FCGR2B: variants seen among roughly 807,000 people sequenced by gnomAD.
The protein encoded by FCGR2B is Fc gamma receptor IIb.
A neutral mutation model predicts 24.8 loss-of-function variants in FCGR2B; 18 were observed. The observed-to-expected ratio is 0.73, with a 90% CI of 0.50 to 1.08. The LOEUF (loss-of-function observed/expected upper bound fraction) is 1.08, where lower values mean the gene tolerates loss of function less well. Ranked by LOEUF, FCGR2B falls within the 50% of genes least tolerant of loss-of-function variation. The pLI, the probability that FCGR2B is intolerant of heterozygous loss-of-function variation, is 0.00. For synonymous variants in FCGR2B, 79 were observed against 109.8 expected (o/e 0.72, Z 1.75); for missense variants, 215 against 297.6 (o/e 0.72, Z 2.04).
At chr1:161,673,266 G>T (rs1446839815) in intron 4 of FCGR2B, 37 bp downstream of exon 4, 1 of 1,582,430 alleles carries the variant, frequency 6.3e-7, no homozygotes. Context: ...GAGGGGAGAA[G>T]AGGGGATGGA....
At position 161,677,999 on chromosome 1, in the gene FCGR2B, C is replaced by T. The variant is rs1039567642; in HGVS notation, c.*446C>T. On this transcript the variant is annotated 3_prime_UTR_variant, in exon 8 of 8. Transcript: ENST00000358671. Reference sequence around the variant, plus strand: ...TAAAATTATTGATGATTTTTATTTTCTTTATTTTTCTATAAAGATCATATA... The same window carrying T: ...TAAAATTATTGATGATTTTTATTTTTTTTATTTTTCTATAAAGATCATATA... 1 of 220,364 alleles carries T rather than the reference C, an allele frequency of 4.5e-6. No individual in the cohort carries two copies. The highest frequency in any genetic ancestry group is 9.1e-6 in the Non-Finnish European group (1 of 110,072). The allele number at this position is 220,364 out of a possible 1,614,324, so 13.7% of individuals were successfully genotyped here.
chr1:161,654,585 A>G, the FCGR2B span, among the ~76,000 whole-genome samples: 1 of 133,356 alleles, frequency 7.5e-6, no homozygotes, highest in Non-Finnish European at 1.8e-5. Context: ...GTGGAGGCCC[A>G]TGAAGATGCT....
chr1:161,671,081 A>G (rs1681603363), intron 2 of FCGR2B, among the ~76,000 whole-genome samples: 1 of 151,938 alleles, frequency 6.6e-6, no homozygotes, highest in Non-Finnish European at 1.5e-5. Flanking sequence ...GCTGGTGGGG[A>G]GAGGTTGGTG....
Position 161,671,621 on chromosome 1 carries a change from C to T in FCGR2B, c.363C>T (p.Ser121=), listed in dbSNP as rs1488362136. 1.1e-5 allele frequency: 17 copies of T among 1,613,742 alleles called. No individual in the cohort carries two copies. Among genetic ancestry groups the T allele is most frequent in the South Asian group, 3.3e-5 (3 of 91,072 alleles). The change falls in exon 3 of 8, where the codon AGC becomes AGT. Residue 121 remains serine (S), a synonymous_variant. Coordinates refer to ENST00000358671, the MANE Select transcript of FCGR2B (RefSeq NM_001394477.1). ...YTCQTGQTSL[S]DPVHLTVLSE... ...GCCAGACTGGCCAGACCAGCCTCAGCGACCCTGTGCATCTGACTGTGCTTT... is the reference window on the plus strand; with the variant it reads ...GCCAGACTGGCCAGACCAGCCTCAGTGACCCTGTGCATCTGACTGTGCTTT...
At chr1:161,661,628 G>C (rs2333842), upstream of FCGR2B, among the ~76,000 whole-genome samples, 10,767 of 56,974 alleles carry the variant, frequency 0.19, 513 homozygotes, top group Non-Finnish European at 0.21. Context: ...TTTACAGTAA[G>C]AATTCACATG....
chr1:161,647,551 C>T, the FCGR2B span, among the ~76,000 whole-genome samples: 51,694 of 149,406 alleles, frequency 0.35, 9,322 homozygotes, highest in East Asian at 0.64. Flanking sequence ...TTCCCCCCAC[C>T]GCCTCGGCCT....
Position 161,671,973 on chromosome 1 carries a change from A to G in FCGR2B, c.391+324A>G, listed in dbSNP as rs538454102. 2.8e-5 allele frequency: 12 copies of G among 431,930 alleles called. No homozygotes were observed. In the East Asian group the frequency reaches 5.4e-4, roughly 20 times the overall value. 26.8% of individuals were successfully genotyped at this position (431,930 alleles called of 1,614,324 possible). A position where few individuals can be genotyped will look rare whatever the true frequency, so the allele number is the denominator to read the frequency against. On this transcript the variant is annotated intron_variant, in intron 3 of 7. Coordinates refer to ENST00000358671, the MANE Select transcript of FCGR2B (RefSeq NM_001394477.1). Reference sequence around the variant, plus strand: ...TGGAAATGACTCACTATACAACATGATGAATTCATTTAACCCTTGAGTTTC... The same window carrying G: ...TGGAAATGACTCACTATACAACATGGTGAATTCATTTAACCCTTGAGTTTC...
chr1:161,671,003 C>T (rs943590770), intron 2 of FCGR2B, among the ~76,000 whole-genome samples: 25 of 151,974 alleles, frequency 1.6e-4, no homozygotes, highest in African/African-American at 5.8e-4. Context: ...TGTCTAAATG[C>T]CTTTGTTTAT....
Position 161,677,697 on chromosome 1 carries a change from C to A in FCGR2B, c.*144C>A. On this transcript the variant is annotated 3_prime_UTR_variant, in exon 8 of 8. Transcript: ENST00000358671. ...TTCTTCCAGAGTCATCTACCTGAGTCCTGAAGCTCCCTGTCCTGAAAGCCA... is the reference window on the plus strand; with the variant it reads ...TTCTTCCAGAGTCATCTACCTGAGTACTGAAGCTCCCTGTCCTGAAAGCCA... 1.6e-6 allele frequency: 1 copy of A among 641,358 alleles called. No individual in the cohort carries two copies. The highest frequency in any genetic ancestry group is 2.7e-5 in the East Asian group (1 of 36,754). The allele number at this position is 641,358 out of a possible 1,614,324, so 39.7% of individuals were successfully genotyped here. A position where few individuals can be genotyped will look rare whatever the true frequency, so the allele number is the denominator to read the frequency against.
chr1:161,663,301 GT>G lies in FCGR2B; in HGVS notation c.61del (p.Ser21ProfsTer32). 5.2e-6 allele frequency: 1 copy of G among 192,146 alleles called. No individual in the cohort carries two copies. Among genetic ancestry groups the G allele is most frequent in the Non-Finnish European group, 9.4e-6 (1 of 106,708 alleles). 11.9% of individuals were successfully genotyped at this position (192,146 alleles called of 1,614,324 possible). A position where few individuals can be genotyped will look rare whatever the true frequency, so the allele number is the denominator to read the frequency against. ...ATESDWADCKSPQPWGHMLLW... is the reference protein window; with the variant it reads ...ATESDWADCKXPQPWGHMLLW... ...CTGAGAGTGACTGGGCTGACTGCAA[GT>G]CCCCCCAGCCTTGGGGTCATATGCT... On this transcript the variant is annotated frameshift_variant, in exon 1 of 8. Coordinates refer to ENST00000358671, the MANE Select transcript of FCGR2B (RefSeq NM_001394477.1). LOFTEE classifies it high-confidence loss of function.
chr1:161,648,205 G>A, the FCGR2B span, among the ~76,000 whole-genome samples: 1 of 148,396 alleles, frequency 6.7e-6, no homozygotes. Context: ...TGGGGCAGCT[G>A]TGATATTACA....
the FCGR2B span, among the ~76,000 whole-genome samples, chr1:161,654,960 T>G: frequency 0.11 from 11,835 of 109,632 alleles, 1,076 homozygotes; most frequent in Middle Eastern, 0.25. Context: ...CACAGCTGTT[T>G]TTATACCACA....
In FCGR2B at chr1:161,673,028, G is replaced by T. The variant is rs764919412; in HGVS notation, c.445G>T (p.Val149Leu). 6.2e-7 allele frequency: 1 copy of T among 1,612,448 alleles called. No individual in the cohort carries two copies. The highest frequency in any genetic ancestry group is 8.5e-7 in the Non-Finnish European group (1 of 1,179,308). Residue 149 changes from valine (V) to leucine (L), a missense_variant, in exon 4 of 8, where the codon GTG (valine) becomes TTG (leucine). Val to Leu is a conservative substitution (Grantham distance 32, BLOSUM62 1). Transcript: ENST00000358671. ...GGAGTTCCAGGAGGGAGAAACCATC[G>T]TGCTGAGGTGCCACAGCTGGAAGGA... ...HLEFQEGETI[V>L]LRCHSWKDKP...
rs755070493 is a variant in FCGR2B at position 161,673,230 on chromosome 1, G to A, written c.646+1G>A. The A allele has an allele frequency of 1.3e-6, 2 of 1,594,572 alleles. No homozygotes were observed. Among genetic ancestry groups the A allele is most frequent in the Non-Finnish European group, 1.7e-6 (2 of 1,169,996 alleles). Reference sequence around the variant, plus strand: ...AAGCCTGTGACCATCACTGTCCAAGGTATGCGGAGTCTGCCAAGATGTAAG... The same window carrying A: ...AAGCCTGTGACCATCACTGTCCAAGATATGCGGAGTCTGCCAAGATGTAAG... On this transcript the variant is annotated splice_donor_variant, in intron 4 of 7. Coordinates refer to ENST00000358671, the MANE Select transcript of FCGR2B (RefSeq NM_001394477.1). LOFTEE classifies it high-confidence loss of function.
Position 161,675,289 on chromosome 1 carries a change from G to T in FCGR2B, c.793G>T (p.Gly265Ter), listed in dbSNP as rs1682022593. The change falls in exon 6 of 8, where the codon GGA becomes TGA. Residue 265 changes from glycine to a stop codon, truncating the protein, a stop_gained. Transcript: ENST00000358671. LOFTEE classifies it high-confidence loss of function. ...LPGYPECREMGETLPEKPANP... is the reference protein window; with the variant it reads ...LPGYPECREM ...AGGATACCCTGAGTGCAGGGAAATG[G>T]GAGAGACCCTCCCTGAGAAACCAGG... 10 of 1,605,912 alleles carry T rather than the reference G, an allele frequency of 6.2e-6. No homozygotes were observed. The highest frequency in any genetic ancestry group is 8.5e-6 in the Non-Finnish European group (10 of 1,176,632).
the FCGR2B span, among the ~76,000 whole-genome samples, chr1:161,655,278 T>C: frequency 1.3e-5 from 2 of 149,764 alleles, no homozygotes; most frequent in Admixed American, 6.8e-5. Flanking sequence ...ATACTGGCTT[T>C]TGTTTCCCTT....
chr1:161,671,749 T>C, intron 3 of FCGR2B, 100 bp downstream of exon 3: 6 of 1,579,628 alleles, frequency 3.8e-6, no homozygotes, highest in East Asian at 2.3e-5. Flanking sequence ...GCCTGCTTAC[T>C]GGGAAGTATC....
chr1:161,649,165 A>G, the FCGR2B span, among the ~76,000 whole-genome samples: 1 of 150,954 alleles, frequency 6.6e-6, no homozygotes, highest in Non-Finnish European at 1.5e-5. Flanking sequence ...CACTTTCAGA[A>G]GGCTCATAAG....
intron 3 of FCGR2B, 25 bp downstream of exon 3, chr1:161,671,674 G>A: frequency 2.5e-6 from 4 of 1,611,532 alleles, no homozygotes; most frequent in African/African-American, 1.3e-5. Context: ...GCCCCAGGGT[G>A]GACCTGGGAG....
Sources: allele counts gnomAD v4.1 joint callset (sites outside exome capture counted in the v4.1 genomes callset), GRCh38; gene constraint gnomAD v4.1.1; transcripts MANE v1.5; gene names NCBI Gene and HGNC (gene_info 2026-07-23, HGNC 2026-07-21).